Variants in ADGRB1 observed in about 807,000 individuals in gnomAD.
The protein encoded by ADGRB1 is brain-specific angiogenesis inhibitor 1.
Under a neutral mutation model 175.7 loss-of-function variants are expected in ADGRB1, and 36 were observed. The observed-to-expected ratio is 0.20, with a 90% CI of 0.16 to 0.27. ADGRB1 has a LOEUF of 0.27. Ranked by LOEUF, ADGRB1 falls within the 10% of genes least tolerant of loss-of-function variation. ADGRB1 has a pLI of 1.00. For synonymous variants in ADGRB1, 1,054 were observed against 979.4 expected, an observed-to-expected ratio of 1.08 and a Z score of -1.42; for missense variants, 1,731 against 2,255.3, an observed-to-expected ratio of 0.77 and a Z score of 4.71.
chr8:142,541,089 G>T (rs1845244749), intron 27 of ADGRB1, among the ~76,000 whole-genome samples: 1 of 152,044 alleles, frequency 6.6e-6, no homozygotes, highest in Admixed American at 6.5e-5. Context: ...CCTGCATGGG[G>T]CAGGACACAG....
rs571739722 is a variant in ADGRB1 at position 142,524,741 on chromosome 8, C to A, written c.3312+437C>A. The stretch of plus-strand genomic sequence containing the variant: ...GCGGCTGCTTGCCCCTTCGGGGGCC[C>A]CGGTGAGGACCTTCCCTGTGTGGGT... On this transcript the variant is annotated intron_variant, in intron 23 of 30. Coordinates refer to ENST00000517894, the MANE Select transcript of ADGRB1 (RefSeq NM_001702.3). Among the ~76,000 whole-genome samples the A allele has an allele frequency of 2.6e-5, 4 of 152,228 alleles. No homozygotes were observed. The East Asian group carries it at 7.7e-4, about 29-fold the overall frequency.
chr8:142,539,577 G>C, intron 27 of ADGRB1, 164 bp downstream of exon 27: 2 of 820,826 alleles, frequency 2.4e-6, no homozygotes, highest in Non-Finnish European at 3.8e-6. Flanking sequence ...CAGGGGACCT[G>C]CCCTGGGGGC....
At chr8:142,502,489 A>AGTG (rs1842661521) in intron 17 of ADGRB1, among the ~76,000 whole-genome samples, 1 of 122,150 alleles carries the variant, frequency 8.2e-6, no homozygotes, top group Non-Finnish European at 1.6e-5. Context: ...TGATGATGAC[A>AGTG]GTGGTGATGA....
chr8:142,461,446 C>T (rs562244030), intron 1 of ADGRB1, among the ~76,000 whole-genome samples: 2 of 152,366 alleles, frequency 1.3e-5, no homozygotes, highest in South Asian at 2.1e-4. Context: ...GGACACCAGC[C>T]GCGTCGTGGC....
At chr8:142,463,882 A>C in intron 1 of ADGRB1, 98 bp from the exon 2 acceptor site, 1 of 252,650 alleles carries the variant, frequency 4.0e-6, no homozygotes. Flanking sequence ...CCTCGTTGGT[A>C]GCAGGCTAAG....
At position 142,492,142 on chromosome 8, in the gene ADGRB1, C is replaced by G. The variant is rs767986533; in HGVS notation, c.2675+1327C>G. ...CTGCCACCACCCTCCACCCACCAAC[C>G]ATCAACCCTCTCCTTCGTCCACCTG... On this transcript the variant is annotated intron_variant, in intron 17 of 30. Transcript: ENST00000517894. The surrounding 1 kb of genome is among the most constrained non-coding windows in gnomAD (Gnocchi z 4.4). Among the ~76,000 whole-genome samples the G allele has an allele frequency of 6.6e-6, 1 of 152,062 alleles. No individual in the cohort carries two copies. Among genetic ancestry groups the G allele is most frequent in the African/African-American group, 2.4e-5 (1 of 41,390 alleles).
intron 23 of ADGRB1, 137 bp downstream of exon 23, chr8:142,524,441 A>AG: frequency 9.8e-7 from 1 of 1,015,698 alleles, no homozygotes. Flanking sequence ...CCTCATCACC[A>AG]GGGGGTGGGG....
At chr8:142,480,986 G>T (rs974674648) in intron 9 of ADGRB1, among the ~76,000 whole-genome samples, 1 of 98,660 alleles carries the variant, frequency 1.0e-5, no homozygotes, top group Non-Finnish European at 2.2e-5. Flanking sequence ...GGCCCTGCTC[G>T]GCCGAGATCT....
chr8:142,517,309 G>A (rs1040826277), intron 18 of ADGRB1, among the ~76,000 whole-genome samples: 4 of 152,208 alleles, frequency 2.6e-5, no homozygotes, highest in African/African-American at 7.2e-5. Context: ...TAAGTACCCC[G>A]CAGGTGGTGA....
chr8:142,516,206 A>ATG (rs1843409356), intron 18 of ADGRB1, among the ~76,000 whole-genome samples: 1 of 101,200 alleles, frequency 9.9e-6, no homozygotes. Context: ...CCCCAGGTGC[A>ATG]TGCGTGTGTG....
intron 11 of ADGRB1, 100 bp downstream of exon 11, chr8:142,481,811 A>G (rs1395414475): frequency 7.4e-6 from 8 of 1,079,648 alleles, no homozygotes; most frequent in Non-Finnish European, 1.0e-5. Flanking sequence ...GCCACAGCCC[A>G]GGCCCTAACC....
chr8:142,463,562 G>A (rs1840082064), intron 1 of ADGRB1, among the ~76,000 whole-genome samples: 1 of 152,222 alleles, frequency 6.6e-6, no homozygotes, highest in Admixed American at 6.5e-5. Context: ...GAAAGACAGA[G>A]CCTGAGAGAG....
intron 25 of ADGRB1, among the ~76,000 whole-genome samples, chr8:142,536,258 G>A (rs1253113178): frequency 1.3e-5 from 2 of 151,902 alleles, no homozygotes; most frequent in African/African-American, 2.4e-5. Context: ...CCACCGCAGT[G>A]TCAGTGTGCT....
intron 17 of ADGRB1, among the ~76,000 whole-genome samples, chr8:142,498,146 C>A (rs1842310837): frequency 6.6e-6 from 1 of 152,190 alleles, no homozygotes; most frequent in South Asian, 2.1e-4. Context: ...TCTCTGCCCA[C>A]TGCCCTGCCC....
At chr8:142,517,376 C>G (rs1004017946) in intron 18 of ADGRB1, among the ~76,000 whole-genome samples, 4 of 152,222 alleles carry the variant, frequency 2.6e-5, no homozygotes, top group African/African-American at 9.6e-5. Flanking sequence ...ACCCCAGCTC[C>G]CACACTCTCC....
chr8:142,525,364 C>T (rs1844113175), intron 23 of ADGRB1, among the ~76,000 whole-genome samples: 1 of 151,976 alleles, frequency 6.6e-6, no homozygotes, highest in Non-Finnish European at 1.5e-5. Flanking sequence ...GGAGTCCCAC[C>T]CTGTACACCC....
In ADGRB1 at chr8:142,464,707, C is replaced by A. The variant is rs1210993026; in HGVS notation, c.509C>A (p.Ser170Tyr). 4 of 1,531,910 alleles carry A rather than the reference C, an allele frequency of 2.6e-6. No homozygotes were observed. The highest frequency in any genetic ancestry group is 2.6e-6 in the Non-Finnish European group (3 of 1,144,672). 94.9% of individuals were successfully genotyped at this position (1,531,910 alleles called of 1,614,324 possible). A position where few individuals can be genotyped will look rare whatever the true frequency, so the allele number is the denominator to read the frequency against. ...AGPPGPTDDF[S>Y]VEYLVVGNRN... ...CCGCCGGGCCCCACCGACGACTTCT[C>A]CGTGGAGTACCTGGTGGTGGGGAAC... The change falls in exon 2 of 31, where the codon TCC becomes TAC. Residue 170 changes from serine (S) to tyrosine (Y), a missense_variant. Coordinates refer to ENST00000517894, the MANE Select transcript of ADGRB1 (RefSeq NM_001702.3).
In ADGRB1 at chr8:142,489,069, C is replaced by G; in HGVS notation, c.2487C>G (p.Thr829=). 1 of 1,611,370 alleles carries G rather than the reference C, an allele frequency of 6.2e-7. No homozygotes were observed. The highest frequency in any genetic ancestry group is 8.5e-7 in the Non-Finnish European group (1 of 1,179,544). ...ADEASVFVVG[T]VLYRNLGSFL... ...AAGCATCCGTGTTTGTGGTGGGCAC[C>G]GTGCTCTACAGGAACCTGGGCAGCT... The change falls in exon 15 of 31, where the codon ACC becomes ACG. Residue 829 remains threonine (T), a synonymous_variant. Transcript: ENST00000517894.
intron 2 of ADGRB1, among the ~76,000 whole-genome samples, chr8:142,472,884 A>C (rs897003020): frequency 6.6e-6 from 1 of 152,152 alleles, no homozygotes; most frequent in Non-Finnish European, 1.5e-5. Context: ...GACCTGGATC[A>C]GGGCTCAGCA....
Sources: gnomAD v4.1 joint callset for allele counts (sites outside exome capture counted in the v4.1 genomes callset) on GRCh38, gnomAD v4.1.1 for gene constraint, Gnocchi (gnomAD v3.1) non-coding constraint, MANE v1.5 for transcripts, NCBI Gene and HGNC (gene_info 2026-07-23, HGNC 2026-07-21) for gene names.